Variants in SLC4A10 observed in about 807,000 individuals in gnomAD.
SLC4A10 encodes sodium-driven chloride bicarbonate exchanger.
In SLC4A10, 42 loss-of-function variants were observed where a neutral mutation model predicts 137.7. That is an observed-to-expected ratio of 0.30 (90% CI 0.24 to 0.39). SLC4A10 has a LOEUF of 0.39. SLC4A10 is among the 10% of genes least tolerant of loss of function. SLC4A10 has a pLI of 1.00. For missense variants in SLC4A10, 925 were observed against 1,355.0 expected (o/e 0.68, Z 4.98); for synonymous variants, 474 against 464.1 (o/e 1.02, Z -0.27).
At chr2:161,906,514 C>G (rs6725233) in intron 15 of SLC4A10, among the ~76,000 whole-genome samples, 6,699 of 152,242 alleles carry the variant, frequency 0.044, 202 homozygotes, top group African/African-American at 0.076. Flanking sequence ...TCTGAAATGT[C>G]TCTAAGGCTT....
In SLC4A10 at chr2:161,872,471, T is replaced by TTGCA; in HGVS notation, c.858+91_858+94dup. On this transcript the variant is annotated intron_variant, in intron 7 of 26. Transcript: ENST00000446997. The stretch of plus-strand genomic sequence containing the variant: ...TTTTAAGAGGTGTTGACACAATATT[T>TTGCA]TGCATGCGCTTTTTGTTTCTTGTCA... 3 of 959,832 alleles carry TTGCA rather than the reference T, an allele frequency of 3.1e-6. No homozygotes were observed. The South Asian group carries it at 4.9e-5, about 16-fold the overall frequency. 59.5% of individuals were successfully genotyped at this position (959,832 alleles called of 1,614,324 possible).
At position 161,959,033 on chromosome 2, in the gene SLC4A10, A is replaced by G. The variant is rs1696154219; in HGVS notation, c.2862+478A>G. Among the ~76,000 whole-genome samples, 4 of 152,310 alleles carry G rather than the reference A, an allele frequency of 2.6e-5. No homozygotes were observed. In the South Asian group the frequency reaches 6.2e-4, roughly 24 times the overall value. ...ATATTCACTGAAAATTGATAATTAT[A>G]GGAACCACAAAAGTAACATGGCAAA... is the stretch of plus-strand genomic sequence containing the variant. On this transcript the variant is annotated intron_variant, in intron 21 of 26. Transcript: ENST00000446997.
At chr2:161,648,594 T>A (rs1308180895) in intron 1 of SLC4A10, among the ~76,000 whole-genome samples, 1 of 152,208 alleles carries the variant, frequency 6.6e-6, no homozygotes, top group Non-Finnish European at 1.5e-5. Flanking sequence ...TTTCCGTTGA[T>A]CACCAACCCT....
chr2:161,869,301 G>A (rs1014353843), intron 6 of SLC4A10, among the ~76,000 whole-genome samples: 2 of 151,636 alleles, frequency 1.3e-5, no homozygotes, highest in African/African-American at 4.8e-5. Context: ...TTCTTCTTAT[G>A]TAATAGTATT....
chr2:161,709,283 T>C lies in SLC4A10; in HGVS notation c.49-61690T>C, dbSNP rs7602854. ...AATATTTTTATTATTTGGAATTTCT[T>C]AACCATAGAAACTGATGCTGCTACC... is the stretch of plus-strand genomic sequence containing the variant. On this transcript the variant is annotated intron_variant, in intron 1 of 26. Coordinates refer to ENST00000446997, the MANE Select transcript of SLC4A10 (RefSeq NM_001178015.2). 6.4e-3 allele frequency among the ~76,000 whole-genome samples: 975 copies of C among 151,768 alleles called. 7 individuals carry two copies. Among genetic ancestry groups the C allele is most frequent in the African/African-American group, 0.022 (928 of 41,496 alleles).
At chr2:161,777,541 A>G (rs1396706240) in intron 2 of SLC4A10, among the ~76,000 whole-genome samples, 2 of 152,036 alleles carry the variant, frequency 1.3e-5, no homozygotes, top group East Asian at 1.9e-4. Flanking sequence ...GGTTTAATGC[A>G]CTTACAGTTC....
chr2:161,795,220 C>A (rs1197922628), intron 2 of SLC4A10, among the ~76,000 whole-genome samples: 2 of 152,096 alleles, frequency 1.3e-5, no homozygotes, highest in Non-Finnish European at 2.9e-5. Context: ...TTTCAGCCTA[C>A]TCCAGCTTGT....
At position 161,784,801 on chromosome 2, in the gene SLC4A10, C is replaced by T. The variant is rs1225599213; in HGVS notation, c.130+13747C>T. Among the ~76,000 whole-genome samples the T allele has an allele frequency of 2.0e-5, 3 of 150,388 alleles. No individual in the cohort carries two copies. The East Asian group carries it at 5.9e-4, about 30-fold the overall frequency. On this transcript the variant is annotated intron_variant, in intron 2 of 26. Coordinates refer to ENST00000446997, the MANE Select transcript of SLC4A10 (RefSeq NM_001178015.2). Reference sequence around the variant, plus strand: ...TAAAAGTCTATATGAAAAAAGAAGACAGATCTCAAATTTGCAACCTAATTA... The same window carrying T: ...TAAAAGTCTATATGAAAAAAGAAGATAGATCTCAAATTTGCAACCTAATTA...
chr2:161,836,764 A>G (rs1392952311), intron 3 of SLC4A10, among the ~76,000 whole-genome samples: 1 of 152,146 alleles, frequency 6.6e-6, no homozygotes, highest in African/African-American at 2.4e-5. Flanking sequence ...AAAATTATTA[A>G]AAAGTATCAT....
intron 1 of SLC4A10, among the ~76,000 whole-genome samples, chr2:161,663,761 G>T (rs1486822645): frequency 6.6e-6 from 1 of 151,878 alleles, no homozygotes; most frequent in East Asian, 1.9e-4. Context: ...TATTTTATCT[G>T]CACATTTTTG....
At chr2:161,940,051 G>A (rs374405888) in intron 15 of SLC4A10, among the ~76,000 whole-genome samples, 6 of 152,208 alleles carry the variant, frequency 3.9e-5, no homozygotes, top group African/African-American at 1.2e-4. Context: ...ATTTTAAAAG[G>A]CAATCATGAA....
chr2:161,685,923 C>T (rs975478477), intron 1 of SLC4A10, among the ~76,000 whole-genome samples: 19 of 152,086 alleles, frequency 1.2e-4, no homozygotes, highest in African/African-American at 2.9e-4. Context: ...AAGAAAGACA[C>T]GGTCCCTGCC....
At chr2:161,875,229 G>A (rs1247054508) in intron 8 of SLC4A10, among the ~76,000 whole-genome samples, 1 of 152,124 alleles carries the variant, frequency 6.6e-6, no homozygotes, top group Non-Finnish European at 1.5e-5. Flanking sequence ...GCCAGATTTT[G>A]CAGGTGCATG....
intron 1 of SLC4A10, among the ~76,000 whole-genome samples, chr2:161,711,874 A>G (rs1655676800): frequency 6.6e-6 from 1 of 151,858 alleles, no homozygotes; most frequent in Admixed American, 6.6e-5. Context: ...GAGTTGTGGT[A>G]AACATTAAGT....
rs2061171134 is a variant in SLC4A10 at position 161,872,200 on chromosome 2, G to C, written c.767-93G>C. 3.9e-6 allele frequency: 3 copies of C among 766,482 alleles called. No individual in the cohort carries two copies. The Admixed American group carries it at 6.8e-5, about 17-fold the overall frequency. The allele number at this position is 766,482 out of a possible 1,614,324, so 47.5% of individuals were successfully genotyped here. A position where few individuals can be genotyped will look rare whatever the true frequency, so the allele number is the denominator to read the frequency against. ...ACATCATAAATTTATTAAGAAACCT[G>C]TTAGTCTAGTTTAATTGAAGTGCCT... On this transcript the variant is annotated intron_variant, in intron 6 of 26. Coordinates refer to ENST00000446997, the MANE Select transcript of SLC4A10 (RefSeq NM_001178015.2).
At chr2:161,696,508 A>T (rs1188241761) in intron 1 of SLC4A10, among the ~76,000 whole-genome samples, 6 of 119,848 alleles carry the variant, frequency 5.0e-5, no homozygotes, top group African/African-American at 2.0e-4. Context: ...TCCTGTGTCC[A>T]TGTGTTCTCA....
chr2:161,862,880 T>G lies in SLC4A10; in HGVS notation c.584T>G (p.Val195Gly). The part of the protein sequence containing the change: ...ANTLEEIADM[V>G]LDQQVSSGQL... Reference sequence around the variant, plus strand: ...TCCGGCCTTTTCTCTTCAGATATGGTTCTTGACCAACAAGTGAGCTCAGGT... The same window carrying G: ...TCCGGCCTTTTCTCTTCAGATATGGGTCTTGACCAACAAGTGAGCTCAGGT... Residue 195 changes from valine to glycine, a missense_variant, in exon 6 of 27, where the codon GTT (valine) becomes GGT (glycine). Physicochemically the swap from Val to Gly is moderately radical, Grantham distance 109 (BLOSUM62 -3). Around this residue, in one of 11 missense-constraint regions of SLC4A10, gnomAD observed 277 missense variants for 306.1 expected, o/e 0.90. Transcript: ENST00000446997. The G allele has an allele frequency of 6.3e-7, 1 of 1,598,790 alleles. No individual in the cohort carries two copies. The highest frequency in any genetic ancestry group is 8.5e-7 in the Non-Finnish European group (1 of 1,171,600).
chr2:161,728,433 GGGC>G (rs2046456267), intron 1 of SLC4A10, among the ~76,000 whole-genome samples: 5 of 151,866 alleles, frequency 3.3e-5, no homozygotes, highest in African/African-American at 9.7e-5. Context: ...AAAATTAGCT[GGGC>G]ATGGTGGTGT....
intron 3 of SLC4A10, among the ~76,000 whole-genome samples, chr2:161,816,116 C>T (rs1160598963): frequency 1.3e-5 from 2 of 152,076 alleles, no homozygotes; most frequent in Non-Finnish European, 2.9e-5. Flanking sequence ...ACCCTAAACA[C>T]CATCCTATCT....
Sources: allele counts gnomAD v4.1 joint callset (sites outside exome capture counted in the v4.1 genomes callset), GRCh38; gene constraint gnomAD v4.1.1; regional missense constraint gnomAD v4.1.1; transcripts MANE v1.5; gene names NCBI Gene and HGNC (gene_info 2026-07-23, HGNC 2026-07-21).